The following UGT1A9 variants were observed in gnomAD, a reference collection of about 807,000 sequenced individuals.
UGT1A9 encodes UDP glucuronosyltransferase family 1 member A9, also known as UDP-glucuronosyltransferase 1A9.
A neutral mutation model predicts 45.0 loss-of-function variants in UGT1A9; 35 were observed. That is an observed-to-expected ratio of 0.78 (90% confidence interval 0.59 to 1.03). The LOEUF is 1.03. Among genes scored for constraint, UGT1A9 ranks in the 50% least tolerant of loss-of-function variants. UGT1A9 has a pLI of 0.00. For missense variants in UGT1A9, 687 were observed against 666.6 expected (o/e 1.03, Z -0.34); for synonymous variants, 278 against 250.6 (o/e 1.11, Z -1.03).
At chr2:233,695,200 A>G (rs2075272286) in intron 1 of UGT1A9, among the ~76,000 whole-genome samples, 1 of 145,726 alleles carries the variant, frequency 6.9e-6, no homozygotes, top group South Asian at 2.2e-4. Flanking sequence ...ATCTCAGCCC[A>G]CTGCAACCTC....
chr2:233,772,131 CAAT>C, intron 4 of UGT1A9, 128 bp from the exon 5 acceptor site: 4 of 1,543,198 alleles, frequency 2.6e-6, no homozygotes, highest in Middle Eastern at 2.3e-4. Flanking sequence ...ACAACAACAA[CAAT>C]AATAGAAACA....
intron 1 of UGT1A9, among the ~76,000 whole-genome samples, chr2:233,701,548 T>G (rs2075635048): frequency 6.6e-6 from 1 of 152,172 alleles, no homozygotes; most frequent in African/African-American, 2.4e-5. Context: ...TACATTCTTT[T>G]CAGCACCACA....
At chr2:233,716,882 C>T (rs960107716) in intron 1 of UGT1A9, among the ~76,000 whole-genome samples, 1 of 152,106 alleles carries the variant, frequency 6.6e-6, no homozygotes, top group African/African-American at 2.4e-5. Flanking sequence ...ATCTGTGCAG[C>T]CCAGACCCCT....
intron 1 of UGT1A9, among the ~76,000 whole-genome samples, chr2:233,716,770 G>C (rs1477452949): frequency 6.6e-6 from 1 of 152,158 alleles, no homozygotes; most frequent in African/African-American, 2.4e-5. Context: ...GATCACTCAG[G>C]TCAGGCTTTC....
intron 1 of UGT1A9, among the ~76,000 whole-genome samples, chr2:233,700,819 C>T (rs1330583441): frequency 6.6e-6 from 1 of 151,776 alleles, no homozygotes; most frequent in Admixed American, 6.6e-5. Flanking sequence ...TGTGCTGCAC[C>T]CATTAACTCG....
intron 1 of UGT1A9, among the ~76,000 whole-genome samples, chr2:233,723,671 C>T (rs2077112906): frequency 1.0e-5 from 1 of 95,612 alleles, no homozygotes; most frequent in Non-Finnish European, 1.9e-5. Flanking sequence ...GGCAGAGGAC[C>T]CTGCGGCCTT....
intron 1 of UGT1A9, among the ~76,000 whole-genome samples, chr2:233,705,232 T>C (rs962910924): frequency 6.6e-6 from 1 of 152,258 alleles, no homozygotes; most frequent in African/African-American, 2.4e-5. Context: ...AGTGCTTTTT[T>C]TCTGTATGAA....
rs2076117983 is a variant in UGT1A9 at position 233,710,197 on chromosome 2, A to C, written c.855+37408A>C. On this transcript the variant is annotated intron_variant, in intron 1 of 4. Transcript: ENST00000354728. ...ATTGATGGACATGTGGATAGTTTCCAGTTGTTGGCTATTATGAATAAAGCT... is the reference window on the plus strand; with the variant it reads ...ATTGATGGACATGTGGATAGTTTCCCGTTGTTGGCTATTATGAATAAAGCT... 2.0e-5 allele frequency among the ~76,000 whole-genome samples: 3 copies of C among 152,278 alleles called. No individual in the cohort carries two copies. In the South Asian group the frequency reaches 6.2e-4, roughly 32 times the overall value.
At chr2:233,717,943 A>C (rs1575519022) in intron 1 of UGT1A9, 1 of 453,580 alleles carries the variant, frequency 2.2e-6, no homozygotes, top group East Asian at 7.0e-5. Flanking sequence ...CTCTATGCAG[A>C]CTTGCAGAAG....
chr2:233,769,433 A>G lies in UGT1A9; in HGVS notation c.1295+994A>G. The G allele has an allele frequency of 6.5e-7, 1 of 1,549,602 alleles. No homozygotes were observed. Among genetic ancestry groups the G allele is most frequent in the Non-Finnish European group, 8.9e-7 (1 of 1,128,216 alleles). ...TGCGTTTGTGCATGTGGCTGTGCTC[A>G]TGTGTGGGTGCACACGTGTGCATTC... is the stretch of plus-strand genomic sequence containing the variant. On this transcript the variant is annotated intron_variant, in intron 4 of 4. Coordinates refer to ENST00000354728, the MANE Select transcript of UGT1A9 (RefSeq NM_021027.3). This position sits in a 1 kb window ranked among gnomAD's most constrained non-coding sequence, Gnocchi z 4.4.
chr2:233,689,982 A>T (rs957582254), intron 1 of UGT1A9: 5 of 453,314 alleles, frequency 1.1e-5, no homozygotes, highest in Non-Finnish European at 2.2e-5. Context: ...ACAGGCCCCT[A>T]AAAGGGATTC....
chr2:233,694,870 T>C (rs1475517927), intron 1 of UGT1A9, among the ~76,000 whole-genome samples: 1 of 152,238 alleles, frequency 6.6e-6, no homozygotes, highest in East Asian at 1.9e-4. Flanking sequence ...AATATAGTTG[T>C]ACACATTTGG....
chr2:233,673,099 A>G (rs1184826420), intron 1 of UGT1A9, among the ~76,000 whole-genome samples: 2 of 152,192 alleles, frequency 1.3e-5, no homozygotes, highest in Non-Finnish European at 2.9e-5. Context: ...TTAATTCTAT[A>G]TGCCCGCCCC....
intron 1 of UGT1A9, among the ~76,000 whole-genome samples, chr2:233,687,473 A>G (rs1484827948): frequency 6.6e-6 from 1 of 151,782 alleles, no homozygotes; most frequent in East Asian, 1.9e-4. Context: ...CATTATTGGC[A>G]GACCTATTTT....
At chr2:233,699,979 A>G (rs983427410) in intron 1 of UGT1A9, among the ~76,000 whole-genome samples, 1 of 152,210 alleles carries the variant, frequency 6.6e-6, no homozygotes, top group Non-Finnish European at 1.5e-5. Context: ...CCAACTCCCA[A>G]CAAAGAATTA....
chr2:233,682,749 T>A, intron 1 of UGT1A9: 1 of 1,613,926 alleles, frequency 6.2e-7, no homozygotes, highest in Non-Finnish European at 8.5e-7. Context: ...AATATGATCT[T>A]CATTGGTGGT....
chr2:233,713,030 C>T, intron 1 of UGT1A9: 1 of 1,613,910 alleles, frequency 6.2e-7, no homozygotes, highest in Non-Finnish European at 8.5e-7. Context: ...CGCAGCTGGC[C>T]ACAGGACTGC....
intron 1 of UGT1A9, among the ~76,000 whole-genome samples, chr2:233,709,506 C>T (rs2076079939): frequency 6.6e-6 from 1 of 152,128 alleles, no homozygotes; most frequent in African/African-American, 2.4e-5. Context: ...CTGCCTCTTG[C>T]TCTCTTTTAG....
intron 1 of UGT1A9, among the ~76,000 whole-genome samples, chr2:233,749,734 G>A (rs1231776352): frequency 4.0e-5 from 6 of 151,850 alleles, no homozygotes; most frequent in African/African-American, 1.5e-4. Flanking sequence ...GCACCTGCTG[G>A]TCTCATCATA....
Sources: gnomAD v4.1 joint callset for allele counts (sites outside exome capture counted in the v4.1 genomes callset) on GRCh38, gnomAD v4.1.1 for gene constraint, Gnocchi (gnomAD v3.1) non-coding constraint, MANE v1.5 for transcripts, NCBI Gene and HGNC (gene_info 2026-07-23, HGNC 2026-07-21) for gene names.